PTPN9: variants seen among roughly 807,000 people sequenced by gnomAD.
PTPN9 encodes protein tyrosine phosphatase non-receptor type 9.
PTPN9 carries 26 observed loss-of-function variants against 69.8 expected under a neutral mutation model. That is an observed-to-expected ratio of 0.37 (90% CI 0.27 to 0.52). PTPN9 has a LOEUF of 0.52. Among genes scored for constraint, PTPN9 ranks in the 20% least tolerant of loss-of-function variants. The probability of loss-of-function intolerance (pLI) is 0.91; values close to 1 mark genes in which losing one functional copy is unlikely to be tolerated. For missense variants in PTPN9, 549 were observed against 740.3 expected, an observed-to-expected ratio of 0.74 and a Z score of 3.00; for synonymous variants, 274 against 272.5, an observed-to-expected ratio of 1.01 and a Z score of -0.05.
At chr15:75,502,122 G>A (rs2074776008) in intron 7 of PTPN9, among the ~76,000 whole-genome samples, 1 of 151,766 alleles carries the variant, frequency 6.6e-6, no homozygotes, top group Admixed American at 6.6e-5. Flanking sequence ...AAAAGAAAAG[G>A]AGAAGAGAAG....
intron 7 of PTPN9, among the ~76,000 whole-genome samples, chr15:75,503,853 TGA>T (rs1280684723): frequency 6.9e-5 from 4 of 57,770 alleles, no homozygotes; most frequent in East Asian, 5.5e-4. Flanking sequence ...GGGAGGGAGG[TGA>T]GGGGGGGTCA....
intron 7 of PTPN9, among the ~76,000 whole-genome samples, chr15:75,500,340 T>A (rs1239229512): frequency 2.2e-5 from 3 of 134,356 alleles, no homozygotes. Context: ...TAAACAAACA[T>A]ACATACACAC....
In PTPN9 at chr15:75,579,285, A is replaced by G. The variant is rs62027209; in HGVS notation, c.-509T>C. ...TGCGACCTGCGCGGCTGCCTCAGCC[A>G]GGCTCCTCGCGGGCGGCCGCAGCGA... On this transcript the variant is annotated 5_prime_UTR_variant, in exon 1 of 13. Coordinates refer to ENST00000618819, the MANE Select transcript of PTPN9 (RefSeq NM_002833.4). The G allele has an allele frequency of 0.37, 55,628 of 151,862 alleles. 11,551 individuals are homozygous for G. Among genetic ancestry groups the G allele is most frequent in the African/African-American group, 0.54 (22,314 of 41,450 alleles). 9.4% of individuals were successfully genotyped at this position (151,862 alleles called of 1,614,324 possible).
intron 4 of PTPN9, among the ~76,000 whole-genome samples, chr15:75,518,916 A>G (rs980332607): frequency 3.9e-5 from 6 of 152,094 alleles, no homozygotes; most frequent in Non-Finnish European, 8.8e-5. Flanking sequence ...TCCCAGATTT[A>G]TAAAGATTTC....
intron 9 of PTPN9, among the ~76,000 whole-genome samples, chr15:75,474,506 G>A (rs560894763): frequency 2.6e-5 from 4 of 151,042 alleles, no homozygotes; most frequent in Admixed American, 1.3e-4. Context: ...GCAACAGAAC[G>A]AGACTCTGTC....
rs1403494151 is a variant in PTPN9, at chr15:75,468,413, G to A, written c.*356C>T. The stretch of plus-strand genomic sequence containing the variant: ...TAAAATCCTAGGAAAGGGAAGGAGT[G>A]GGAGACAGGAGACCTCAGAAAAAGA... On this transcript the variant is annotated 3_prime_UTR_variant, in exon 13 of 13. Coordinates refer to ENST00000618819, the MANE Select transcript of PTPN9 (RefSeq NM_002833.4). 1 of 189,438 alleles carries A rather than the reference G, an allele frequency of 5.3e-6. No homozygotes were observed. The highest frequency in any genetic ancestry group is 1.1e-5 in the Non-Finnish European group (1 of 90,008). The allele number at this position is 189,438 out of a possible 1,614,324, so 11.7% of individuals were successfully genotyped here.
chr15:75,470,881 G>A (rs780354849), intron 10 of PTPN9, 51 bp from the exon 11 acceptor site: 4 of 1,586,866 alleles, frequency 2.5e-6, no homozygotes, highest in Non-Finnish European at 3.4e-6. Flanking sequence ...CTCCACAGCA[G>A]TAACCTGGCT....
At chr15:75,521,250 C>G (rs2074903320) in intron 4 of PTPN9, among the ~76,000 whole-genome samples, 1 of 150,418 alleles carries the variant, frequency 6.6e-6, no homozygotes, top group Non-Finnish European at 1.5e-5. Flanking sequence ...TCGAGACCAT[C>G]CTGGCTAACA....
At chr15:75,505,007 G>C (rs1302617257) in intron 7 of PTPN9, among the ~76,000 whole-genome samples, 2 of 152,208 alleles carry the variant, frequency 1.3e-5, no homozygotes. Flanking sequence ...TGGCGGTTTT[G>C]TGGAATAGAA....
intron 8 of PTPN9, among the ~76,000 whole-genome samples, chr15:75,487,112 C>T (rs988117283): frequency 1.2e-4 from 18 of 151,896 alleles, no homozygotes; most frequent in Non-Finnish European, 1.5e-5. Flanking sequence ...ACTAGCTTGA[C>T]TTAGTGTCTC....
intron 7 of PTPN9, among the ~76,000 whole-genome samples, chr15:75,492,510 A>G (rs1263597410): frequency 6.6e-6 from 1 of 152,182 alleles, no homozygotes; most frequent in African/African-American, 2.4e-5. Context: ...TATGTAGTGA[A>G]AATCCCTGAC....
chr15:75,487,227 A>G (rs1191827482), intron 8 of PTPN9: 1 of 152,146 alleles, frequency 6.6e-6, no homozygotes, highest in African/African-American at 2.4e-5. Flanking sequence ...ACAGAATGGA[A>G]AAATAGCCCC....
At chr15:75,505,274 A>G (rs62027176) in intron 7 of PTPN9, among the ~76,000 whole-genome samples, 55 of 148,994 alleles carry the variant, frequency 3.7e-4, no homozygotes, top group East Asian at 1.8e-3. Flanking sequence ...CTCGTTAAGA[A>G]TCATCACCAC....
chr15:75,537,916 G>A (rs2074992047), intron 1 of PTPN9, among the ~76,000 whole-genome samples: 1 of 151,314 alleles, frequency 6.6e-6, no homozygotes, highest in African/African-American at 2.4e-5. Flanking sequence ...AAAATTAGCT[G>A]TGTGTGGTGG....
intron 1 of PTPN9, among the ~76,000 whole-genome samples, chr15:75,565,461 C>A (rs1192627269): frequency 6.6e-6 from 1 of 152,118 alleles, no homozygotes; most frequent in East Asian, 1.9e-4. Context: ...CCAGATAATT[C>A]TCTGCTGTAG....
At chr15:75,502,367 GAACCT>G (rs2074777786) in intron 7 of PTPN9, among the ~76,000 whole-genome samples, 1 of 151,894 alleles carries the variant, frequency 6.6e-6, no homozygotes, top group Non-Finnish European at 1.5e-5. Flanking sequence ...AGAATCGCTT[GAACCT>G]GGGAGGCGGA....
chr15:75,528,479 C>G (rs894201701), intron 1 of PTPN9, among the ~76,000 whole-genome samples: 9 of 151,826 alleles, frequency 5.9e-5, no homozygotes, highest in African/African-American at 2.2e-4. Context: ...ACCACCTGGG[C>G]TCAAACAATC....
chr15:75,520,104 G>C (rs187186100), intron 4 of PTPN9, among the ~76,000 whole-genome samples: 1 of 152,060 alleles, frequency 6.6e-6, no homozygotes, highest in African/African-American at 2.4e-5. Context: ...ACTTCAGCCC[G>C]AGCAAAAGTG....
chr15:75,557,694 CTATTAT>C (rs1368110597), intron 1 of PTPN9, among the ~76,000 whole-genome samples: 10 of 152,112 alleles, frequency 6.6e-5, no homozygotes, highest in Non-Finnish European at 1.5e-4. Flanking sequence ...TAGGGCTTAG[CTATTAT>C]TATTATCACA....
Sources: allele counts gnomAD v4.1 joint callset (sites outside exome capture counted in the v4.1 genomes callset), GRCh38; gene constraint gnomAD v4.1.1; transcripts MANE v1.5; gene names NCBI Gene and HGNC (gene_info 2026-07-23, HGNC 2026-07-21).